Variants in B3GALNT2 observed in about 807,000 individuals in gnomAD.
B3GALNT2 encodes UDP-GalNAc:beta-1,3-N-acetylgalactosaminyltransferase 2.
In B3GALNT2, 53 loss-of-function variants were observed where a neutral mutation model predicts 61.1. That is an observed-to-expected ratio of 0.87 (90% CI 0.70 to 1.09). B3GALNT2 has a LOEUF of 1.09. Among genes scored for constraint, B3GALNT2 ranks in the 50% least tolerant of loss-of-function variants. The pLI is 0.00. For synonymous variants in B3GALNT2, 223 were observed against 237.4 expected, an observed-to-expected ratio of 0.94 and a Z score of 0.56; for missense variants, 544 against 623.0, an observed-to-expected ratio of 0.87 and a Z score of 1.35.
rs1682733611 is a variant in B3GALNT2, at chr1:235,449,196, G to GAGAC, written c.*1006_*1009dup. On this transcript the variant is annotated 3_prime_UTR_variant, in exon 12 of 12. Transcript: ENST00000366600. ...TTGGGAAATGTCCCTTAAACTTGGG[G>GAGAC]AGACATCCTCTACTATGTATAACAA... 1 of 243,970 alleles carries GAGAC rather than the reference G, an allele frequency of 4.1e-6. No homozygotes were observed. The highest frequency in any genetic ancestry group is 5.2e-5 in the Admixed American group (1 of 19,164). The allele number at this position is 243,970 out of a possible 1,614,324, so 15.1% of individuals were successfully genotyped here. A position where few individuals can be genotyped will look rare whatever the true frequency, so the allele number is the denominator to read the frequency against.
chr1:235,471,100 C>A, intron 5 of B3GALNT2, 140 bp from the exon 6 acceptor site: 1 of 1,430,600 alleles, frequency 7.0e-7, no homozygotes, highest in Non-Finnish European at 9.2e-7. Flanking sequence ...CTCTGACATA[C>A]CACTGTTAGC....
rs554067980 is a variant in B3GALNT2 at position 235,458,692 on chromosome 1, C to T, written c.936G>A (p.Glu312=). 6.2e-7 allele frequency: 1 copy of T among 1,613,320 alleles called. No homozygotes were observed. The highest frequency in any genetic ancestry group is 1.3e-5 in the African/African-American group (1 of 75,006). ...NLHEEDALLK[E]ESSIYDDIVF... ...CAATATCATCATAGATGCTGCTTTC[C>T]TCCTTCAGTAAGGCATCTTCCTCAT... is the stretch of plus-strand genomic sequence containing the variant. The change falls in exon 8 of 12, where the codon GAG becomes GAA. Residue 312 remains glutamate, a synonymous_variant. Transcript: ENST00000366600.
intron 6 of B3GALNT2, among the ~76,000 whole-genome samples, chr1:235,467,211 T>C (rs1683737765): frequency 6.6e-6 from 1 of 152,038 alleles, no homozygotes; most frequent in Non-Finnish European, 1.5e-5. Flanking sequence ...TAGCTAGGCA[T>C]GGTGGTGTGT....
rs562018636 is a variant in B3GALNT2 at position 235,448,196 on chromosome 1, TTAAG to T, written c.*2006_*2009del. Among the ~76,000 whole-genome samples, 470 of 139,054 alleles carry T rather than the reference TTAAG, an allele frequency of 3.4e-3. No individual in the cohort carries two copies. The highest frequency in any genetic ancestry group is 8.5e-3 in the Middle Eastern group (2 of 236). The allele number at this position is 139,054 out of a possible 152,430, so 91.2% of individuals were successfully genotyped here. A position where few individuals can be genotyped will look rare whatever the true frequency, so the allele number is the denominator to read the frequency against. On this transcript the variant is annotated 3_prime_UTR_variant, in exon 12 of 12. Transcript: ENST00000366600. Reference sequence around the variant, plus strand: ...GCCTGGGCGACAGAGCAAGACTTACTTAAGTAAGTAAGTAAGTCAGTCTCAAAAA... The same window carrying T: ...GCCTGGGCGACAGAGCAAGACTTACTTAAGTAAGTAAGTCAGTCTCAAAAA...
chr1:235,496,634 C>T (rs989044770), intron 1 of B3GALNT2, among the ~76,000 whole-genome samples: 3 of 151,332 alleles, frequency 2.0e-5, no homozygotes, highest in Admixed American at 1.3e-4. Context: ...CAACCTCTGC[C>T]GCCCGGGTTC....
intron 4 of B3GALNT2, among the ~76,000 whole-genome samples, chr1:235,483,841 C>T (rs565250993): frequency 6.6e-6 from 1 of 152,272 alleles, no homozygotes; most frequent in East Asian, 1.9e-4. Flanking sequence ...ATCAGATTTC[C>T]CTACATATCG....
Position 235,450,019 on chromosome 1 carries a change from C to A in B3GALNT2, c.*187G>T. ...TAAAAACTTTTCTTATGCTACAGTA[C>A]AAGTTGATTTTTAAGGAAATTTGTG... On this transcript the variant is annotated 3_prime_UTR_variant, in exon 12 of 12. Transcript: ENST00000366600. 1 of 583,124 alleles carries A rather than the reference C, an allele frequency of 1.7e-6. No individual in the cohort carries two copies. The highest frequency in any genetic ancestry group is 2.8e-6 in the Non-Finnish European group (1 of 352,156). The allele number at this position is 583,124 out of a possible 1,614,324, so 36.1% of individuals were successfully genotyped here.
At chr1:235,481,282 C>T (rs911325452) in intron 4 of B3GALNT2, among the ~76,000 whole-genome samples, 4 of 152,162 alleles carry the variant, frequency 2.6e-5, no homozygotes, top group South Asian at 2.1e-4. Context: ...GAAGTTATAT[C>T]GACATGATCA....
At position 235,484,525 on chromosome 1, in the gene B3GALNT2, G is replaced by A; in HGVS notation, c.362-10C>T. ...ATTTCCTGATTCAAAACTAAGTAATGAGAACAGGTTTATATAACTGAACAA... is the reference window on the plus strand; with the variant it reads ...ATTTCCTGATTCAAAACTAAGTAATAAGAACAGGTTTATATAACTGAACAA... On this transcript the variant is annotated splice_polypyrimidine_tract_variant and intron_variant, in intron 3 of 11. Transcript: ENST00000366600. The A allele has an allele frequency of 6.2e-7, 1 of 1,613,556 alleles. No individual in the cohort carries two copies. The highest frequency in any genetic ancestry group is 8.5e-7 in the Non-Finnish European group (1 of 1,179,696).
At chr1:235,496,803 A>G (rs947344110) in intron 1 of B3GALNT2, among the ~76,000 whole-genome samples, 3 of 152,072 alleles carry the variant, frequency 2.0e-5, no homozygotes, top group African/African-American at 7.2e-5. Flanking sequence ...TCGGCCTCCC[A>G]AAGTGCTGGG....
Position 235,450,238 on chromosome 1 carries a change from A to G in B3GALNT2, c.1471T>C (p.Cys491Arg). The change falls in exon 12 of 12, where the codon TGC becomes CGC. Residue 491 changes from cysteine to arginine, a missense_variant. Coordinates refer to ENST00000366600, the MANE Select transcript of B3GALNT2 (RefSeq NM_152490.5). The part of the protein sequence containing the change: ...LTELWKLKER[C>R]GDPCRCQAR ...GCTTGACATCGACAAGGATCACCGCACCGTTCCTTCAGTTTCCACAGTTCC... is the reference window on the plus strand; with the variant it reads ...GCTTGACATCGACAAGGATCACCGCGCCGTTCCTTCAGTTTCCACAGTTCC... 5 of 1,614,044 alleles carry G rather than the reference A, an allele frequency of 3.1e-6. No homozygotes were observed. The highest frequency in any genetic ancestry group is 4.2e-6 in the Non-Finnish European group (5 of 1,179,980).
intron 1 of B3GALNT2, among the ~76,000 whole-genome samples, chr1:235,497,038 C>A (rs1040170464): frequency 6.6e-5 from 10 of 152,170 alleles, no homozygotes; most frequent in Admixed American, 3.9e-4. Context: ...ACCAGTTCAA[C>A]TGAATTAGCA....
At chr1:235,503,483 G>A (rs931689132) in intron 1 of B3GALNT2, among the ~76,000 whole-genome samples, 4 of 152,204 alleles carry the variant, frequency 2.6e-5, no homozygotes, top group African/African-American at 9.7e-5. Flanking sequence ...GATCGTTAAA[G>A]AATTTGATAT....
chr1:235,481,172 T>C (rs1379192059), intron 4 of B3GALNT2, among the ~76,000 whole-genome samples: 4 of 152,180 alleles, frequency 2.6e-5, no homozygotes, highest in African/African-American at 9.7e-5. Flanking sequence ...AGAATAGTTT[T>C]TGCATCGTGA....
the B3GALNT2 span, chr1:235,441,764 C>T: frequency 6.5e-6 from 10 of 1,541,240 alleles, no homozygotes; most frequent in African/African-American, 1.4e-5. Context: ...TTTGTTTTTA[C>T]TTATAGTGGC....
At chr1:235,488,482 G>A (rs926854025) in intron 3 of B3GALNT2, among the ~76,000 whole-genome samples, 2 of 151,200 alleles carry the variant, frequency 1.3e-5, no homozygotes, top group African/African-American at 4.9e-5. Flanking sequence ...AGGAGTTCGA[G>A]GCCAGCCTGA....
the B3GALNT2 span, chr1:235,440,898 C>A: frequency 6.6e-6 from 1 of 152,172 alleles, no homozygotes; most frequent in African/African-American, 2.4e-5. Flanking sequence ...GATGTACTTT[C>A]CATTTTGTTT....
chr1:235,440,116 G>A, the B3GALNT2 span, among the ~76,000 whole-genome samples: 5 of 152,050 alleles, frequency 3.3e-5, no homozygotes, highest in African/African-American at 9.7e-5. Context: ...GACTACAGGC[G>A]CCCACCACCA....
At chr1:235,464,242 T>A (rs1683577500) in intron 7 of B3GALNT2, 1 of 152,208 alleles carries the variant, frequency 6.6e-6, no homozygotes, top group Admixed American at 6.5e-5. Context: ...AATTTACAAC[T>A]TTTGTGTGTT....
Sources: allele counts gnomAD v4.1 joint callset (sites outside exome capture counted in the v4.1 genomes callset), GRCh38; gene constraint gnomAD v4.1.1; transcripts MANE v1.5; gene names NCBI Gene and HGNC (gene_info 2026-07-23, HGNC 2026-07-21).